VPS13B: variants seen among roughly 807,000 people sequenced by gnomAD.
VPS13B encodes intermembrane lipid transfer protein VPS13B.
VPS13B carries 285 observed loss-of-function variants against 426.4 expected under a neutral mutation model. That is an observed-to-expected ratio of 0.67 (90% confidence interval 0.61 to 0.74). The LOEUF (loss-of-function observed/expected upper bound fraction) is 0.74, where lower values mean the gene tolerates loss of function less well. Ranked by LOEUF, VPS13B falls within the 30% of genes least tolerant of loss-of-function variation. The pLI, the probability that VPS13B is intolerant of heterozygous loss-of-function variation, is 0.00. For missense variants in VPS13B, 4,537 were observed against 4,782.6 expected, an observed-to-expected ratio of 0.95 and a Z score of 1.51; for synonymous variants, 1,676 against 1,676.4, an observed-to-expected ratio of 1.00 and a Z score of 0.01.
intron 33 of VPS13B, among the ~76,000 whole-genome samples, chr8:99,579,502 A>T (rs1011046103): frequency 2.6e-5 from 4 of 152,024 alleles, no homozygotes; most frequent in African/African-American, 9.7e-5. Context: ...GGTTCAAACA[A>T]TTCTCCTGCC....
intron 21 of VPS13B, among the ~76,000 whole-genome samples, chr8:99,400,552 G>T (rs1431779317): frequency 6.6e-6 from 1 of 152,164 alleles, no homozygotes. Context: ...ACTATTTAAT[G>T]TAATAAAGCG....
intron 39 of VPS13B, among the ~76,000 whole-genome samples, chr8:99,753,460 A>G (rs1000447625): frequency 6.6e-6 from 1 of 152,234 alleles, no homozygotes; most frequent in African/African-American, 2.4e-5. Context: ...AGACTAAAAC[A>G]TAATATGAGT....
intron 16 of VPS13B, among the ~76,000 whole-genome samples, chr8:99,181,385 G>A (rs1047043834): frequency 1.3e-5 from 2 of 152,306 alleles, no homozygotes; most frequent in South Asian, 4.1e-4. Context: ...TATGTGAGTG[G>A]TAGGTAATGT....
At chr8:99,406,237 T>C (rs921370684) in intron 21 of VPS13B, among the ~76,000 whole-genome samples, 1 of 151,966 alleles carries the variant, frequency 6.6e-6, no homozygotes, top group African/African-American at 2.4e-5. Flanking sequence ...TTTTTTTTTT[T>C]ATTCTCTCCT....
chr8:99,155,282 A>C (rs1468402904), intron 14 of VPS13B, among the ~76,000 whole-genome samples: 1 of 152,234 alleles, frequency 6.6e-6, no homozygotes. Flanking sequence ...AACTGAAAGA[A>C]AGAACAACAC....
At chr8:99,035,486 G>A (rs1842701448) in intron 2 of VPS13B, among the ~76,000 whole-genome samples, 1 of 151,942 alleles carries the variant, frequency 6.6e-6, no homozygotes. Flanking sequence ...TCCATGTTGT[G>A]GTATATTATG....
At chr8:99,701,349 A>G (rs1055421415) in intron 36 of VPS13B, among the ~76,000 whole-genome samples, 7 of 152,202 alleles carry the variant, frequency 4.6e-5, no homozygotes, top group Admixed American at 2.6e-4. Context: ...GGGAAAGGTT[A>G]AGACTCAAAC....
rs377128837 is a variant in VPS13B at position 99,757,587 on chromosome 8, A to C, written c.7051-9187A>C. On this transcript the variant is annotated intron_variant, in intron 39 of 61. Coordinates refer to ENST00000357162, the MANE Select transcript of VPS13B (RefSeq NM_152564.5). The stretch of plus-strand genomic sequence containing the variant: ...TCATAACCCTGCTAACAGTCTTGGC[A>C]GTACTATTAAGTAATAAAAACAAAT... Among the ~76,000 whole-genome samples the C allele has an allele frequency of 4.5e-4, 68 of 152,352 alleles. 1 individual carries two copies. Among genetic ancestry groups the C allele is most frequent in the African/African-American group, 1.5e-3 (64 of 41,586 alleles).
intron 19 of VPS13B, among the ~76,000 whole-genome samples, chr8:99,326,475 T>TTTTTTTTA (rs1810280109): frequency 7.8e-6 from 1 of 128,422 alleles, no homozygotes; most frequent in Non-Finnish European, 1.6e-5. Context: ...TTTTTTTTTT[T>TTTTTTTTA]TTTTTTTGAG....
At chr8:99,199,218 G>T (rs1047564052) in intron 17 of VPS13B, among the ~76,000 whole-genome samples, 10 of 152,184 alleles carry the variant, frequency 6.6e-5, no homozygotes, top group Admixed American at 3.3e-4. Context: ...GTCTCGCTCT[G>T]TCACCCAGGC....
intron 21 of VPS13B, among the ~76,000 whole-genome samples, chr8:99,403,548 CA>C (rs200871879): frequency 0.29 from 26,194 of 91,554 alleles, 2,551 homozygotes; most frequent in East Asian, 0.5. Flanking sequence ...GACTCTGTCT[CA>C]AAAAAAAAAA....
At chr8:99,343,694 GCAGCAACAA>G (rs1316013967) in intron 19 of VPS13B, among the ~76,000 whole-genome samples, 4 of 152,260 alleles carry the variant, frequency 2.6e-5, no homozygotes, top group Admixed American at 6.5e-5. Context: ...ATTTACAATA[GCAGCAACAA>G]CAGCAACAAC....
chr8:99,694,858 AC>A (rs1392111537), intron 35 of VPS13B, among the ~76,000 whole-genome samples: 1 of 152,080 alleles, frequency 6.6e-6, no homozygotes, highest in African/African-American at 2.4e-5. Flanking sequence ...CAAGAAAAAA[AC>A]AAACAACCCC....
At chr8:99,053,718 T>G (rs1843685436) in intron 3 of VPS13B, among the ~76,000 whole-genome samples, 2 of 151,758 alleles carry the variant, frequency 1.3e-5, no homozygotes, top group South Asian at 4.2e-4. Context: ...TTTTTTTGGT[T>G]TTGATACAGA....
rs958090370 is a variant in VPS13B, at chr8:99,818,316, G to GT, written c.8362-127dup. On this transcript the variant is annotated intron_variant, in intron 45 of 61. Coordinates refer to ENST00000357162, the MANE Select transcript of VPS13B (RefSeq NM_152564.5). ...CCATAATGAAGTCTGTTTTTGCTCA[G>GT]TTTTTTTTAATAATGGCTTTTTCCC... is the stretch of plus-strand genomic sequence containing the variant. 1.5e-4 allele frequency: 144 copies of GT among 960,736 alleles called. No individual in the cohort carries two copies. In the East Asian group the frequency reaches 1.9e-3, roughly 12 times the overall value. The allele number at this position is 960,736 out of a possible 1,614,324, so 59.5% of individuals were successfully genotyped here.
intron 39 of VPS13B, 106 bp from the exon 40 acceptor site, chr8:99,766,667 TA>T: frequency 1.1e-6 from 1 of 945,318 alleles, no homozygotes; most frequent in Non-Finnish European, 1.6e-6. Context: ...TATTCTCCTC[TA>T]AAGGTCTTAA....
chr8:99,573,673 A>G (rs1051430672), intron 31 of VPS13B, among the ~76,000 whole-genome samples: 8 of 152,142 alleles, frequency 5.3e-5, no homozygotes, highest in Non-Finnish European at 1.0e-4. Context: ...CTGTTTTGGT[A>G]CCAGTACCAT....
chr8:99,507,261 T>C, intron 28 of VPS13B, 58 bp downstream of exon 28: 1 of 1,554,892 alleles, frequency 6.4e-7, no homozygotes, highest in Admixed American at 1.7e-5. Flanking sequence ...GTTTATCTTG[T>C]TATTTCATAA....
At chr8:99,817,489 A>T (rs1457258957) in intron 44 of VPS13B, 51 bp from the exon 45 acceptor site, 2 of 1,600,548 alleles carry the variant, frequency 1.2e-6, no homozygotes, top group African/African-American at 2.7e-5. Flanking sequence ...ACATATTTCC[A>T]GTTAATGAAG....
Sources: gnomAD v4.1 joint callset for allele counts (sites outside exome capture counted in the v4.1 genomes callset) on GRCh38, gnomAD v4.1.1 for gene constraint, MANE v1.5 for transcripts, NCBI Gene and HGNC (gene_info 2026-07-23, HGNC 2026-07-21) for gene names.